The following MTUS2 variants were observed in gnomAD, a reference collection of about 807,000 sequenced individuals.
MTUS2 encodes microtubule-associated tumor suppressor candidate 2.
Under a neutral mutation model 114.1 loss-of-function variants are expected in MTUS2, and 40 were observed. The ratio of observed to expected loss-of-function variants is 0.35; its 90% CI spans 0.27 to 0.46. The LOEUF is 0.46. Among genes scored for constraint, MTUS2 ranks in the 20% least tolerant of loss-of-function variants. MTUS2 has a pLI of 1.00. For missense variants in MTUS2, 1,679 were observed against 1,705.4 expected (o/e 0.98, Z 0.27); for synonymous variants, 688 against 672.0 (o/e 1.02, Z -0.37).
intron 9 of MTUS2, among the ~76,000 whole-genome samples, chr13:29,475,892 G>A (rs1007310237): frequency 6.6e-6 from 1 of 152,170 alleles, no homozygotes; most frequent in East Asian, 1.9e-4. Context: ...TGTAGCCTAA[G>A]TGTATGGTGT....
At chr13:29,500,635 CA>C (rs1332999410) in intron 14 of MTUS2, among the ~76,000 whole-genome samples, 1 of 152,152 alleles carries the variant, frequency 6.6e-6, no homozygotes, top group Non-Finnish European at 1.5e-5. Context: ...GTCGTGCACG[CA>C]AGGCTGGCCA....
At chr13:29,492,095 G>T (rs1882184908) in intron 11 of MTUS2, among the ~76,000 whole-genome samples, 1 of 144,304 alleles carries the variant, frequency 6.9e-6, no homozygotes, top group Non-Finnish European at 1.5e-5. Flanking sequence ...TGAATGCGTG[G>T]TAGGTGTGTA....
intron 1 of MTUS2, among the ~76,000 whole-genome samples, chr13:28,831,516 C>T (rs1454086448): frequency 1.3e-5 from 2 of 148,976 alleles, no homozygotes; most frequent in African/African-American, 5.0e-5. Context: ...TGAAGTGAAA[C>T]AGATTGTAAG....
At chr13:29,294,334 G>A (rs1201483534) in intron 6 of MTUS2, among the ~76,000 whole-genome samples, 1 of 151,958 alleles carries the variant, frequency 6.6e-6, no homozygotes. Flanking sequence ...TATGTGAAAA[G>A]GTTCTTTTTA....
chr13:29,354,587 A>G (rs1483527523), intron 7 of MTUS2, among the ~76,000 whole-genome samples: 1 of 152,214 alleles, frequency 6.6e-6, no homozygotes, highest in Non-Finnish European at 1.5e-5. Context: ...CATCAAAATA[A>G]AAAAGAATCT....
chr13:28,903,111 T>G (rs1253236353), intron 2 of MTUS2, among the ~76,000 whole-genome samples: 1 of 152,172 alleles, frequency 6.6e-6, no homozygotes, highest in African/African-American at 2.4e-5. Flanking sequence ...AAGAACTTCC[T>G]TTAGCCACTC....
chr13:28,963,698 A>T (rs964614726), intron 2 of MTUS2, among the ~76,000 whole-genome samples: 1 of 149,342 alleles, frequency 6.7e-6, no homozygotes, highest in African/African-American at 2.6e-5. Flanking sequence ...TTGTCTGTGG[A>T]CGCTTTCTTA....
intron 4 of MTUS2, among the ~76,000 whole-genome samples, chr13:29,056,619 G>T (rs1050282153): frequency 6.6e-6 from 1 of 151,440 alleles, no homozygotes; most frequent in Non-Finnish European, 1.5e-5. Context: ...TTTCTAGTTT[G>T]TAAGGGGTTT....
In MTUS2 at chr13:29,359,400, C is replaced by G; in HGVS notation, c.3044C>G (p.Ala1015Gly). 6.2e-7 allele frequency: 1 copy of G among 1,613,624 alleles called. No individual in the cohort carries two copies. The highest frequency in any genetic ancestry group is 8.5e-7 in the Non-Finnish European group (1 of 1,179,782). Residue 1015 changes from alanine to glycine, a missense_variant, in exon 8 of 16, where the codon GCG (alanine) becomes GGG (glycine). By Grantham distance (60) the Ala-to-Gly change is moderately conservative. Around this residue, in one of 3 missense-constraint regions of MTUS2, gnomAD observed 822 missense variants for 899.7 expected, o/e 0.91. Coordinates refer to ENST00000612955, the MANE Select transcript of MTUS2 (RefSeq NM_001033602.4). The part of the protein sequence containing the change: ...CEQQTRQLGV[A>G]QGELKRAICG... ...CAGCAGACCAGACAGCTGGGCGTTG[C>G]GCAAGGGGAGCTGAAGAGGGCCATC...
At chr13:29,135,495 CTT>C (rs1303230277) in intron 5 of MTUS2, among the ~76,000 whole-genome samples, 1 of 152,150 alleles carries the variant, frequency 6.6e-6, no homozygotes, top group Non-Finnish European at 1.5e-5. Context: ...CTGTCAGTCT[CTT>C]TTGATTGGAG....
intron 2 of MTUS2, among the ~76,000 whole-genome samples, chr13:29,005,630 C>T (rs751715264): frequency 7.9e-5 from 12 of 152,262 alleles, no homozygotes; most frequent in Admixed American, 3.9e-4. Flanking sequence ...AAAGTGCAGC[C>T]GTCGTCTTGG....
At chr13:29,121,657 C>CT (rs547034297) in intron 5 of MTUS2, among the ~76,000 whole-genome samples, 2,080 of 142,254 alleles carry the variant, frequency 0.015, 25 homozygotes, top group African/African-American at 0.033. Context: ...CACTTTTTCA[C>CT]TTTTTTTTTT....
At chr13:29,295,169 T>A (rs1427624205) in intron 6 of MTUS2, among the ~76,000 whole-genome samples, 4 of 152,184 alleles carry the variant, frequency 2.6e-5, no homozygotes, top group Non-Finnish European at 4.4e-5. Flanking sequence ...ATTGTATGTA[T>A]GTATAGGGCA....
chr13:28,847,426 A>G (rs1875961789), intron 2 of MTUS2, among the ~76,000 whole-genome samples: 1 of 151,960 alleles, frequency 6.6e-6, no homozygotes, highest in South Asian at 2.1e-4. Flanking sequence ...GTCCAAAGGC[A>G]AAGGCAAGAG....
chr13:29,474,080 C>G (rs1057283874), intron 9 of MTUS2, among the ~76,000 whole-genome samples: 1 of 152,178 alleles, frequency 6.6e-6, no homozygotes, highest in Admixed American at 6.5e-5. Context: ...CTAGGGCTTA[C>G]AACAGAGAGC....
chr13:28,869,178 A>G (rs936083727), intron 2 of MTUS2, among the ~76,000 whole-genome samples: 2 of 151,936 alleles, frequency 1.3e-5, no homozygotes, highest in African/African-American at 4.8e-5. Context: ...CCTGGCTTCC[A>G]CTCCTACACT....
chr13:29,493,324 A>G (rs1882316837), intron 12 of MTUS2, among the ~76,000 whole-genome samples: 1 of 152,168 alleles, frequency 6.6e-6, no homozygotes, highest in Non-Finnish European at 1.5e-5. Flanking sequence ...ACAGAGACCG[A>G]GGTAGCTGCC....
At chr13:29,039,476 G>GT (rs1219421622) in intron 4 of MTUS2, among the ~76,000 whole-genome samples, 1 of 152,202 alleles carries the variant, frequency 6.6e-6, no homozygotes, top group Admixed American at 6.5e-5. Flanking sequence ...CGCAGCTGCA[G>GT]CGGGGGAGGG....
chr13:29,058,553 A>G lies in MTUS2; in HGVS notation c.2446+24428A>G, dbSNP rs1464949058. On this transcript the variant is annotated intron_variant, in intron 4 of 15. Coordinates refer to ENST00000612955, the MANE Select transcript of MTUS2 (RefSeq NM_001033602.4). ...CTTTGAACTCTGAGATTCTTTTCTC[A>G]GCCAGGTTGATGCTTTTTTTTTTTT... 5.9e-5 allele frequency among the ~76,000 whole-genome samples: 8 copies of G among 135,912 alleles called. No homozygotes were observed. In the Admixed American group the frequency reaches 6.1e-4, roughly 10 times the overall value. 89.2% of individuals were successfully genotyped at this position (135,912 alleles called of 152,430 possible). A position where few individuals can be genotyped will look rare whatever the true frequency, so the allele number is the denominator to read the frequency against.
Sources: gnomAD v4.1 joint callset for allele counts (sites outside exome capture counted in the v4.1 genomes callset) on GRCh38, gnomAD v4.1.1 for gene constraint, gnomAD v4.1.1 regional missense constraint, MANE v1.5 for transcripts, NCBI Gene and HGNC (gene_info 2026-07-23, HGNC 2026-07-21) for gene names.